FSTL5: variants seen among roughly 807,000 people sequenced by gnomAD.
FSTL5 encodes follistatin like 5.
Under a neutral mutation model 89.1 loss-of-function variants are expected in FSTL5, and 62 were observed. That is an observed-to-expected ratio of 0.70 (90% CI 0.57 to 0.86). The LOEUF is 0.86. Ranked by LOEUF, FSTL5 falls within the 40% of genes least tolerant of loss-of-function variation. The pLI is 0.00. For synonymous variants in FSTL5, 383 were observed against 346.2 expected (o/e 1.11, Z -1.18); for missense variants, 1,057 against 1,001.6 (o/e 1.06, Z -0.75).
At chr4:162,136,310 G>A (rs1197555059) in intron 1 of FSTL5, among the ~76,000 whole-genome samples, 1 of 152,042 alleles carries the variant, frequency 6.6e-6, no homozygotes, top group East Asian at 1.9e-4. Context: ...GGGATGATGA[G>A]AACCCGGTTA....
intron 6 of FSTL5, among the ~76,000 whole-genome samples, chr4:161,723,011 G>C (rs1739267712): frequency 6.6e-6 from 1 of 152,156 alleles, no homozygotes; most frequent in African/African-American, 2.4e-5. Flanking sequence ...AATTTTAAAA[G>C]AGCAGAAATC....
intron 15 of FSTL5, among the ~76,000 whole-genome samples, chr4:161,432,766 AG>A (rs1158240632): frequency 6.6e-6 from 1 of 151,984 alleles, no homozygotes; most frequent in Non-Finnish European, 1.5e-5. Context: ...CTGATAGCAC[AG>A]AAATTCAAAG....
chr4:161,439,423 C>A (rs1283438600), intron 15 of FSTL5, among the ~76,000 whole-genome samples: 1 of 152,202 alleles, frequency 6.6e-6, no homozygotes, highest in Non-Finnish European at 1.5e-5. Context: ...GTTTGTTTCT[C>A]AGCTCCGCAA....
intron 4 of FSTL5, among the ~76,000 whole-genome samples, chr4:161,821,691 C>T (rs1730501481): frequency 1.3e-5 from 2 of 152,106 alleles, no homozygotes; most frequent in African/African-American, 4.8e-5. Flanking sequence ...TCCTGAGTTA[C>T]TTCAATTAGA....
At chr4:161,599,881 C>T (rs1340340512) in intron 7 of FSTL5, among the ~76,000 whole-genome samples, 2 of 151,836 alleles carry the variant, frequency 1.3e-5, no homozygotes, top group African/African-American at 4.8e-5. Context: ...TACTCCAGAA[C>T]TTAAATAATA....
intron 8 of FSTL5, among the ~76,000 whole-genome samples, chr4:161,550,554 CTTTTTTAT>C (rs869112278): frequency 1.4e-3 from 138 of 98,938 alleles, no homozygotes; most frequent in African/African-American, 4.3e-3. Context: ...TCAGTAACTT[CTTTTTTAT>C]TTATTTATTT....
At chr4:161,595,663 G>A (rs754268830) in intron 7 of FSTL5, among the ~76,000 whole-genome samples, 3 of 151,858 alleles carry the variant, frequency 2.0e-5, no homozygotes, top group African/African-American at 7.3e-5. Context: ...TATAGATGAT[G>A]AGCACTGATT....
intron 11 of FSTL5, among the ~76,000 whole-genome samples, chr4:161,508,081 A>G (rs1730538427): frequency 6.6e-6 from 1 of 152,042 alleles, no homozygotes; most frequent in Admixed American, 6.5e-5. Context: ...AAATGAAGAG[A>G]CAATTTCCTT....
intron 4 of FSTL5, among the ~76,000 whole-genome samples, chr4:161,823,423 G>A (rs1730557760): frequency 1.3e-5 from 2 of 152,186 alleles, no homozygotes; most frequent in Non-Finnish European, 1.5e-5. Flanking sequence ...AGTGGGGCTG[G>A]CATGTCAGCA....
At chr4:162,013,954 T>G (rs547170352) in intron 3 of FSTL5, among the ~76,000 whole-genome samples, 3 of 152,136 alleles carry the variant, frequency 2.0e-5, no homozygotes, top group African/African-American at 7.2e-5. Context: ...AAGAGCCTCA[T>G]GGATCTCAGA....
intron 7 of FSTL5, among the ~76,000 whole-genome samples, chr4:161,617,273 G>A (rs1734907994): frequency 6.6e-6 from 1 of 152,054 alleles, no homozygotes. Context: ...AATTGGTGAT[G>A]TCACAAAGAT....
intron 6 of FSTL5, among the ~76,000 whole-genome samples, chr4:161,661,350 A>G (rs1736703333): frequency 6.6e-6 from 1 of 152,138 alleles, no homozygotes; most frequent in Non-Finnish European, 1.5e-5. Flanking sequence ...TATCATTTCC[A>G]TTATAGGAAT....
At chr4:161,469,971 T>C (rs1417944899) in intron 13 of FSTL5, among the ~76,000 whole-genome samples, 2 of 152,056 alleles carry the variant, frequency 1.3e-5, no homozygotes, top group Admixed American at 6.6e-5. Flanking sequence ...GTTTTAGGAG[T>C]TCTCTATATA....
chr4:161,873,632 T>C (rs1732347755), intron 4 of FSTL5, among the ~76,000 whole-genome samples: 1 of 148,128 alleles, frequency 6.8e-6, no homozygotes, highest in Admixed American at 7.0e-5. Context: ...AGTTGCCATA[T>C]GTCCACTACT....
intron 8 of FSTL5, among the ~76,000 whole-genome samples, chr4:161,575,207 T>C (rs1177841496): frequency 6.6e-6 from 1 of 152,222 alleles, no homozygotes; most frequent in African/African-American, 2.4e-5. Context: ...TTTTTTCTTG[T>C]AAATTTGTTT....
chr4:161,621,750 G>A (rs1264183355), intron 7 of FSTL5, among the ~76,000 whole-genome samples: 1 of 151,290 alleles, frequency 6.6e-6, no homozygotes, highest in Admixed American at 6.6e-5. Context: ...GGGAGGCCAA[G>A]GCCAGTGGAT....
At chr4:161,553,519 C>T (rs1421767597) in intron 8 of FSTL5, among the ~76,000 whole-genome samples, 3 of 151,326 alleles carry the variant, frequency 2.0e-5, no homozygotes, top group Middle Eastern at 3.4e-3. Context: ...GTAACTTTCT[C>T]CATCACTCAC....
chr4:161,441,962 TC>T (rs1732776864), intron 15 of FSTL5, among the ~76,000 whole-genome samples: 1 of 152,048 alleles, frequency 6.6e-6, no homozygotes, highest in African/African-American at 2.4e-5. Flanking sequence ...TTGAGCTAGT[TC>T]TTGCAAATGC....
chr4:161,962,167 A>G (rs1480027394), intron 3 of FSTL5, among the ~76,000 whole-genome samples: 3 of 152,038 alleles, frequency 2.0e-5, no homozygotes, highest in Non-Finnish European at 2.9e-5. Flanking sequence ...CTACTCTATT[A>G]TCACATTTAA....
Sources: gnomAD v4.1 joint callset for allele counts (sites outside exome capture counted in the v4.1 genomes callset) on GRCh38, gnomAD v4.1.1 for gene constraint, MANE v1.5 for transcripts, NCBI Gene and HGNC (gene_info 2026-07-23, HGNC 2026-07-21) for gene names.